The following VAV3 variants were observed in gnomAD, a reference collection of about 807,000 sequenced individuals.
VAV3 encodes guanine nucleotide exchange factor VAV3.
In VAV3, 94 loss-of-function variants were observed where a neutral mutation model predicts 131.2. The observed-to-expected ratio is 0.72, with a 90% CI of 0.61 to 0.85. The LOEUF (loss-of-function observed/expected upper bound fraction) is 0.85, where lower values mean the gene tolerates loss of function less well. Ranked by LOEUF, VAV3 falls within the 40% of genes least tolerant of loss-of-function variation. VAV3 has a pLI of 0.00. For missense variants in VAV3, 939 were observed against 1,002.7 expected (o/e 0.94, Z 0.86); for synonymous variants, 349 against 342.0 (o/e 1.02, Z -0.22).
intron 1 of VAV3, among the ~76,000 whole-genome samples, chr1:107,904,993 T>G (rs1436854731): frequency 2.0e-5 from 3 of 152,212 alleles, no homozygotes; most frequent in Admixed American, 2.0e-4. Flanking sequence ...GGGATAAGCA[T>G]TCCAGATAGA....
At chr1:107,576,723 C>T (rs1649677431) in intron 25 of VAV3, among the ~76,000 whole-genome samples, 1 of 152,210 alleles carries the variant, frequency 6.6e-6, no homozygotes, top group Non-Finnish European at 1.5e-5. Context: ...GGATGGCCAA[C>T]AATGGCCTCA....
intron 20 of VAV3, among the ~76,000 whole-genome samples, chr1:107,630,871 T>G (rs1041319067): frequency 2.6e-5 from 4 of 152,190 alleles, no homozygotes; most frequent in African/African-American, 9.6e-5. Flanking sequence ...GTTCAGAATT[T>G]TTTTAAAAAC....
chr1:107,645,409 T>C (rs1655665722), intron 19 of VAV3, among the ~76,000 whole-genome samples: 2 of 151,958 alleles, frequency 1.3e-5, no homozygotes, highest in Admixed American at 1.3e-4. Flanking sequence ...TGATCTGTTG[T>C]CAGGGGTACA....
intron 2 of VAV3, among the ~76,000 whole-genome samples, chr1:107,851,199 C>T (rs929361414): frequency 1.3e-5 from 2 of 149,428 alleles, no homozygotes; most frequent in African/African-American, 5.0e-5. Context: ...AAGAAGCCGG[C>T]CCTCATTCCC....
intron 15 of VAV3, among the ~76,000 whole-genome samples, chr1:107,734,000 A>G (rs892378621): frequency 6.6e-6 from 1 of 152,242 alleles, no homozygotes; most frequent in African/African-American, 2.4e-5. Flanking sequence ...CATCAGACTA[A>G]CAGTGGATTT....
intron 2 of VAV3, among the ~76,000 whole-genome samples, chr1:107,828,978 T>G (rs913369798): frequency 2.0e-5 from 3 of 152,118 alleles, no homozygotes; most frequent in Non-Finnish European, 4.4e-5. Flanking sequence ...CAGCCCTATT[T>G]TATGCAGGTG....
intron 20 of VAV3, 60 bp from the exon 21 acceptor site, chr1:107,617,692 T>C (rs1040913603): frequency 1.4e-6 from 2 of 1,462,372 alleles, no homozygotes; most frequent in African/African-American, 1.4e-5. Context: ...GATAACCCCA[T>C]GATGCCCCAT....
chr1:107,810,651 T>C (rs191353568), intron 2 of VAV3, among the ~76,000 whole-genome samples: 5 of 152,284 alleles, frequency 3.3e-5, no homozygotes, highest in South Asian at 2.1e-4. Context: ...ATCTAGGAGA[T>C]AGTTTTTCCC....
At position 107,753,770 on chromosome 1, in the gene VAV3, G is replaced by A. The variant is rs1663928994; in HGVS notation, c.1173+1657C>T. Reference sequence around the variant, plus strand: ...ACACGGGGTTTCACCATGTTGGTCAGTCTGGTCTTAAACTCCTGACCTCAG... The same window carrying A: ...ACACGGGGTTTCACCATGTTGGTCAATCTGGTCTTAAACTCCTGACCTCAG... On this transcript the variant is annotated intron_variant, in intron 12 of 26. Transcript: ENST00000370056. Among the ~76,000 whole-genome samples, 3 of 151,908 alleles carry A rather than the reference G, an allele frequency of 2.0e-5. 1 individual carries two copies. Among genetic ancestry groups the A allele is most frequent in the South Asian group, 4.2e-4 (2 of 4,808 alleles).
intron 15 of VAV3, 57 bp from the exon 16 acceptor site, chr1:107,705,118 T>C (rs1353745332): frequency 2.9e-6 from 4 of 1,360,432 alleles, no homozygotes; most frequent in Non-Finnish European, 4.1e-6. Flanking sequence ...AGCTGCAATT[T>C]AGTCATCTAA....
At chr1:107,767,151 T>A (rs1664778458) in intron 7 of VAV3, among the ~76,000 whole-genome samples, 1 of 152,168 alleles carries the variant, frequency 6.6e-6, no homozygotes, top group African/African-American at 2.4e-5. Context: ...TCAGACTAAA[T>A]TACTTGAAAT....
At chr1:107,760,022 G>C (rs1021854522) in intron 10 of VAV3, among the ~76,000 whole-genome samples, 4 of 152,012 alleles carry the variant, frequency 2.6e-5, no homozygotes, top group East Asian at 1.9e-4. Context: ...TTTCTCAGTA[G>C]AACAAAAATA....
chr1:107,850,762 T>A (rs1279789937), intron 2 of VAV3, among the ~76,000 whole-genome samples: 1 of 152,148 alleles, frequency 6.6e-6, no homozygotes, highest in East Asian at 1.9e-4. Context: ...TTTCTTCCTT[T>A]TAATTTGTAG....
chr1:107,885,274 T>G (rs1670981619), intron 1 of VAV3, among the ~76,000 whole-genome samples: 1 of 152,146 alleles, frequency 6.6e-6, no homozygotes, highest in Non-Finnish European at 1.5e-5. Context: ...TTTTTATTTT[T>G]TTGAGATGGC....
intron 15 of VAV3, among the ~76,000 whole-genome samples, chr1:107,716,880 G>A (rs1395409551): frequency 6.6e-6 from 1 of 152,084 alleles, no homozygotes; most frequent in Non-Finnish European, 1.5e-5. Flanking sequence ...GACTCTTTTT[G>A]GTTGGTAAGC....
intron 1 of VAV3, among the ~76,000 whole-genome samples, chr1:107,921,092 A>G (rs1281569362): frequency 6.6e-6 from 1 of 152,218 alleles, no homozygotes; most frequent in African/African-American, 2.4e-5. Flanking sequence ...AATTCCAATT[A>G]TATTATTTTC....
rs112263179 is a variant in VAV3 at position 107,772,832 on chromosome 1, A to G, written c.458T>C (p.Val153Ala). The G allele has an allele frequency of 4.3e-6, 7 of 1,613,316 alleles. No individual in the cohort carries two copies. The highest frequency in any genetic ancestry group is 4.0e-5 in the African/African-American group (3 of 74,908). Reference sequence around the variant, plus strand: ...GTCATAGAGATCTTCTTCATCTTCCACAAGGGTTTCACTACAACAAAGGAT... The same window carrying G: ...GTCATAGAGATCTTCTTCATCTTCCGCAAGGGTTTCACTACAACAAAGGAT... ...GLPDLIDETLVEDEEDLYDCV... is the reference protein window; with the variant it reads ...GLPDLIDETLAEDEEDLYDCV... The change falls in exon 5 of 27, where the codon GTG becomes GCG. Residue 153 changes from valine to alanine, a missense_variant. Val to Ala is a moderately conservative substitution (Grantham distance 64, BLOSUM62 0). Transcript: ENST00000370056.
chr1:107,819,969 G>A (rs896838756), intron 2 of VAV3, among the ~76,000 whole-genome samples: 7 of 152,130 alleles, frequency 4.6e-5, no homozygotes, highest in African/African-American at 1.7e-4. Flanking sequence ...AAATGCTGAC[G>A]AGGATATGGA....
chr1:107,711,442 A>G (rs571825008), intron 15 of VAV3, among the ~76,000 whole-genome samples: 2 of 152,326 alleles, frequency 1.3e-5, no homozygotes, highest in African/African-American at 2.4e-5. Flanking sequence ...GATTGGCACA[A>G]TGAAATTCAG....
Sources: allele counts gnomAD v4.1 joint callset (sites outside exome capture counted in the v4.1 genomes callset), GRCh38; gene constraint gnomAD v4.1.1; transcripts MANE v1.5; gene names NCBI Gene and HGNC (gene_info 2026-07-23, HGNC 2026-07-21).